DZIP1: variants seen among roughly 807,000 people sequenced by gnomAD.
DZIP1 encodes cilium assembly protein DZIP1.
In DZIP1, 97 loss-of-function variants were observed where a neutral mutation model predicts 107.6. That is an observed-to-expected ratio of 0.90 (90% CI 0.77 to 1.07). The LOEUF (loss-of-function observed/expected upper bound fraction) is 1.07. Ranked by LOEUF, DZIP1 falls within the 50% of genes least tolerant of loss-of-function variation. The pLI is 0.00. For synonymous variants in DZIP1, 390 were observed against 386.4 expected, an observed-to-expected ratio of 1.01 and a Z score of -0.11; for missense variants, 1,035 against 1,063.6, an observed-to-expected ratio of 0.97 and a Z score of 0.37.
intron 1 of DZIP1, among the ~76,000 whole-genome samples, chr13:95,643,908 GC>G (rs941072961): frequency 4.6e-5 from 7 of 152,132 alleles, no homozygotes; most frequent in African/African-American, 1.7e-4. Context: ...TGGCCCGCGC[GC>G]CCCCGCTGAG....
At position 95,582,280 on chromosome 13, in the gene DZIP1, C is replaced by T; in HGVS notation, c.2558G>A (p.Ser853Asn). ...CCAATCAGTCACAGTTACTAAGCTG[C>T]TTTTTAATGTGCTTGATTCATTTTC... ...LQENESSTLK[S>N]SLVTVTDWSD... The change falls in exon 23 of 23, where the codon AGC becomes AAC. Residue 853 changes from serine (S) to asparagine (N), a missense_variant. Transcript: ENST00000376829. The T allele has an allele frequency of 3.7e-6, 6 of 1,614,130 alleles. No homozygotes were observed. The highest frequency in any genetic ancestry group is 5.1e-6 in the Non-Finnish European group (6 of 1,179,996).
chr13:95,626,084 A>T (rs545711484), intron 7 of DZIP1, among the ~76,000 whole-genome samples: 71 of 152,274 alleles, frequency 4.7e-4, no homozygotes, highest in African/African-American at 1.7e-3. Flanking sequence ...GTGAGCTGTG[A>T]TTGTGCCACT....
intron 14 of DZIP1, among the ~76,000 whole-genome samples, chr13:95,605,361 G>A (rs537588651): frequency 1.5e-4 from 23 of 152,270 alleles, no homozygotes; most frequent in African/African-American, 5.5e-4. Context: ...TCACATTAAA[G>A]AACATACTAT....
chr13:95,589,074 G>A, intron 19 of DZIP1, 80 bp downstream of exon 19: 1 of 1,133,916 alleles, frequency 8.8e-7, no homozygotes, highest in Middle Eastern at 2.0e-4. Context: ...CAACCATAAT[G>A]AGCACGCTAC....
intron 12 of DZIP1, among the ~76,000 whole-genome samples, chr13:95,609,966 A>G (rs2044926596): frequency 6.6e-6 from 1 of 151,880 alleles, no homozygotes; most frequent in Non-Finnish European, 1.5e-5. Flanking sequence ...CAGAAGTAAG[A>G]CCCTGAACCT....
chr13:95,620,158 T>A (rs1487144709), intron 9 of DZIP1, among the ~76,000 whole-genome samples: 1 of 152,200 alleles, frequency 6.6e-6, no homozygotes, highest in South Asian at 2.1e-4. Context: ...GGGGGTGGAC[T>A]TCCCCCTTGC....
Position 95,587,524 on chromosome 13 carries a change from AAGGTAAC to A in DZIP1, c.2218+8_2218+14del. On this transcript the variant is annotated splice_region_variant and intron_variant, in intron 20 of 22. Coordinates refer to ENST00000376829, the MANE Select transcript of DZIP1 (RefSeq NM_198968.4). ...AAATACAGTTTCCAGAGAGTTTTCC[AAGGTAAC>A]AGCTCACCTGCGGGCTTGGGAGAAT... The A allele has an allele frequency of 6.2e-7, 1 of 1,612,442 alleles. No individual in the cohort carries two copies. Among genetic ancestry groups the A allele is most frequent in the East Asian group, 2.2e-5 (1 of 44,850 alleles).
intron 10 of DZIP1, among the ~76,000 whole-genome samples, chr13:95,616,076 G>A (rs919707935): frequency 3.3e-5 from 5 of 152,192 alleles, no homozygotes; most frequent in Admixed American, 2.6e-4. Context: ...TCAGTGTAAT[G>A]TAGGGGGACA....
intron 10 of DZIP1, among the ~76,000 whole-genome samples, chr13:95,615,593 G>A (rs74109018): frequency 0.018 from 2,768 of 152,302 alleles, 79 homozygotes; most frequent in African/African-American, 0.062. Context: ...GTAATTCTGA[G>A]GTGCATCCCT....
chr13:95,594,101 T>C lies in DZIP1; in HGVS notation c.1538-15A>G, dbSNP rs1408215196. On this transcript the variant is annotated splice_polypyrimidine_tract_variant and intron_variant, in intron 15 of 22. Transcript: ENST00000376829. ...ATTTTCCCTTCCTGAAATAAGGTTT[T>C]AAAAATGTGTTAAAAAAAGAATTAA... 6.3e-7 allele frequency: 1 copy of C among 1,578,054 alleles called. No homozygotes were observed.
Position 95,622,371 on chromosome 13 carries a change from T to C in DZIP1, c.1082A>G (p.His361Arg), listed in dbSNP as rs763883060. ...EDRSPYPQDFHNVMQLLDSQE... is the reference protein window; with the variant it reads ...EDRSPYPQDFRNVMQLLDSQE... Reference sequence around the variant, plus strand: ...ACTATCAAGAAGCTGCATGACATTATGGAAATCCTGGGGATATGGAGAACG... The same window carrying C: ...ACTATCAAGAAGCTGCATGACATTACGGAAATCCTGGGGATATGGAGAACG... The change falls in exon 9 of 23, where the codon CAT becomes CGT. Residue 361 changes from histidine (H) to arginine (R), a missense_variant. Transcript: ENST00000376829. The C allele has an allele frequency of 1.2e-5, 19 of 1,614,100 alleles. No homozygotes were observed. Among genetic ancestry groups the C allele is most frequent in the Non-Finnish European group, 1.5e-5 (18 of 1,180,030 alleles).
chr13:95,621,418 G>T (rs1875831887), intron 9 of DZIP1, among the ~76,000 whole-genome samples: 1 of 152,172 alleles, frequency 6.6e-6, no homozygotes, highest in Non-Finnish European at 1.5e-5. Flanking sequence ...GACTGCAGTG[G>T]AGCAGGTAGA....
At chr13:95,584,140 C>A (rs975596034) in intron 22 of DZIP1, among the ~76,000 whole-genome samples, 1 of 151,806 alleles carries the variant, frequency 6.6e-6, no homozygotes, top group Non-Finnish European at 1.5e-5. Context: ...CCATGCCCAA[C>A]TAATTTTTGT....
Position 95,641,673 on chromosome 13 carries a change from G to A in DZIP1, c.219C>T (p.Ser73=), listed in dbSNP as rs768398452. 4 of 1,605,848 alleles carry A rather than the reference G, an allele frequency of 2.5e-6. No individual in the cohort carries two copies. Among genetic ancestry groups the A allele is most frequent in the Non-Finnish European group, 3.4e-6 (4 of 1,179,864 alleles). The change falls in exon 5 of 23, where the codon AGC becomes AGT. Residue 73 remains serine, a synonymous_variant. Transcript: ENST00000376829. This position sits in a 1 kb window ranked among gnomAD's most constrained non-coding sequence, Gnocchi z 4.3. ...RLESVDWRRL[S]AIDVDKVAGA... is the part of the protein sequence containing the mutation. Reference sequence around the variant, plus strand: ...CCGCCACCTTGTCCACGTCGATGGCGCTCAGCCGCCGCCAGTCCACACTCT... The same window carrying A: ...CCGCCACCTTGTCCACGTCGATGGCACTCAGCCGCCGCCAGTCCACACTCT...
At chr13:95,589,993 AG>A in intron 17 of DZIP1, 61 bp from the exon 18 acceptor site, 1 of 1,582,344 alleles carries the variant, frequency 6.3e-7, no homozygotes, top group Non-Finnish European at 8.6e-7. Flanking sequence ...TGAAAAGCAA[AG>A]GTAAACGGTA....
chr13:95,640,638 C>A (rs1265879127), intron 5 of DZIP1, among the ~76,000 whole-genome samples: 3 of 151,794 alleles, frequency 2.0e-5, no homozygotes, highest in African/African-American at 7.3e-5. Context: ...AATGTCTAAC[C>A]CAAAACAGTA....
intron 14 of DZIP1, among the ~76,000 whole-genome samples, chr13:95,605,357 T>A (rs2044740989): frequency 6.6e-6 from 1 of 152,184 alleles, no homozygotes; most frequent in Non-Finnish European, 1.5e-5. Flanking sequence ...AACATCACAT[T>A]AAAGAACATA....
At chr13:95,597,581 C>G (rs1170301161) in intron 15 of DZIP1, among the ~76,000 whole-genome samples, 1 of 152,130 alleles carries the variant, frequency 6.6e-6, no homozygotes, top group Non-Finnish European at 1.5e-5. Flanking sequence ...GAAGCTTAAA[C>G]GCCTACATAA....
Position 95,587,686 on chromosome 13 carries a change from G to A in DZIP1, c.2071C>T (p.Leu691Phe), listed in dbSNP as rs1464013120. Residue 691 changes from leucine to phenylalanine, a missense_variant, in exon 20 of 23, where the codon CTC becomes TTC. Physicochemically the swap from Leu to Phe is conservative, Grantham distance 22 (BLOSUM62 0). Coordinates refer to ENST00000376829, the MANE Select transcript of DZIP1 (RefSeq NM_198968.4). ...SSEEEQEDDD[L>F]IRAYASPGPL... ...CCTGGGGATGCGTATGCCCGGATGA[G>A]GTCGTCGTCCTCCTGCTCCTCCTCT... 1 of 1,613,984 alleles carries A rather than the reference G, an allele frequency of 6.2e-7. No homozygotes were observed. Among genetic ancestry groups the A allele is most frequent in the African/African-American group, 1.3e-5 (1 of 74,892 alleles).
Sources: allele counts gnomAD v4.1 joint callset (sites outside exome capture counted in the v4.1 genomes callset), GRCh38; gene constraint gnomAD v4.1.1; non-coding constraint Gnocchi (gnomAD v3.1); transcripts MANE v1.5; gene names NCBI Gene and HGNC (gene_info 2026-07-23, HGNC 2026-07-21).